LRP1B: variants seen among roughly 807,000 people sequenced by gnomAD.
LRP1B encodes LDL receptor related protein 1B, also known as low-density lipoprotein receptor-related protein 1B.
Under a neutral mutation model 556.6 loss-of-function variants are expected in LRP1B, and 217 were observed. The ratio of observed to expected loss-of-function variants is 0.39; its 90% CI spans 0.35 to 0.44. The LOEUF is 0.44. Among genes scored for constraint, LRP1B ranks in the 20% least tolerant of loss-of-function variants. The probability of loss-of-function intolerance (pLI) is 1.00; values close to 1 mark genes in which losing one functional copy is unlikely to be tolerated. For missense variants in LRP1B, 5,053 were observed against 5,620.8 expected, an observed-to-expected ratio of 0.90 and a Z score of 3.23; for synonymous variants, 2,047 against 1,865.8, an observed-to-expected ratio of 1.10 and a Z score of -2.50.
chr2:140,835,824 C>A (rs773164630), intron 31 of LRP1B, among the ~76,000 whole-genome samples: 8 of 152,324 alleles, frequency 5.3e-5, no homozygotes, highest in African/African-American at 1.4e-4. Flanking sequence ...CAGGCGTGAA[C>A]CACCGCACCT....
In LRP1B at chr2:141,254,552, C is replaced by T. The variant is rs145092192; in HGVS notation, c.433G>A (p.Glu145Lys). Residue 145 changes from glutamate to lysine, a missense_variant, in exon 4 of 91, where the codon GAA (glutamate) becomes AAA (lysine). Physicochemically the swap from Glu to Lys is moderately conservative, Grantham distance 56. Coordinates refer to ENST00000389484, the MANE Select transcript of LRP1B (RefSeq NM_018557.3). ...STRCYCEDGFEITEDGRSCKD... is the reference protein window; with the variant it reads ...STRCYCEDGFKITEDGRSCKD... Reference sequence around the variant, plus strand: ...CAGCTTCTCCCATCTTCTGTTATTTCGAATCCATCCTCACAGTAACATCTT... The same window carrying T: ...CAGCTTCTCCCATCTTCTGTTATTTTGAATCCATCCTCACAGTAACATCTT... The T allele has an allele frequency of 8.1e-6, 13 of 1,611,888 alleles. No homozygotes were observed. The highest frequency in any genetic ancestry group is 1.6e-4 in the Middle Eastern group (1 of 6,068).
At chr2:141,890,898 A>G (rs983333414) in intron 1 of LRP1B, among the ~76,000 whole-genome samples, 2 of 152,148 alleles carry the variant, frequency 1.3e-5, no homozygotes, top group Admixed American at 6.6e-5. Flanking sequence ...TTATTACAAA[A>G]TGCTGGCTAT....
At chr2:141,528,001 C>A (rs1206112482) in intron 2 of LRP1B, among the ~76,000 whole-genome samples, 1 of 151,958 alleles carries the variant, frequency 6.6e-6, no homozygotes, top group East Asian at 1.9e-4. Context: ...CTAAAACAGT[C>A]ATCTGCCCCT....
At chr2:141,345,389 GT>G (rs1688212631) in intron 3 of LRP1B, among the ~76,000 whole-genome samples, 1 of 151,998 alleles carries the variant, frequency 6.6e-6, no homozygotes, top group South Asian at 2.1e-4. Context: ...TCTCTCCAGT[GT>G]TTTTAAATTT....
chr2:142,034,179 C>A (rs1703798503), intron 1 of LRP1B, among the ~76,000 whole-genome samples: 1 of 151,730 alleles, frequency 6.6e-6, no homozygotes, highest in African/African-American at 2.4e-5. Flanking sequence ...CTTATCTAAT[C>A]AGTTCTATGT....
intron 30 of LRP1B, 25 bp from the exon 31 acceptor site, chr2:140,840,110 G>T (rs1183124652): frequency 7.4e-7 from 1 of 1,348,040 alleles, no homozygotes; most frequent in Non-Finnish European, 1.0e-6. Flanking sequence ...CATATGGATT[G>T]AAAATATTAG....
At chr2:140,530,125 T>A (rs1690624165) in intron 47 of LRP1B, among the ~76,000 whole-genome samples, 1 of 152,142 alleles carries the variant, frequency 6.6e-6, no homozygotes, top group South Asian at 2.1e-4. Flanking sequence ...GTACTTTAGA[T>A]AATTTACAGA....
At chr2:140,564,465 T>A (rs1016471957) in intron 43 of LRP1B, among the ~76,000 whole-genome samples, 1 of 152,076 alleles carries the variant, frequency 6.6e-6, no homozygotes, top group Admixed American at 6.5e-5. Flanking sequence ...TCAGCACACA[T>A]TTATCAAGTT....
intron 2 of LRP1B, among the ~76,000 whole-genome samples, chr2:141,806,491 G>A (rs1296480978): frequency 6.6e-6 from 1 of 151,938 alleles, no homozygotes; most frequent in African/African-American, 2.4e-5. Flanking sequence ...ACAATGGTAA[G>A]ATTATAAATT....
At chr2:141,588,123 C>A (rs928936441) in intron 2 of LRP1B, among the ~76,000 whole-genome samples, 1 of 152,084 alleles carries the variant, frequency 6.6e-6, no homozygotes, top group East Asian at 1.9e-4. Context: ...TTATGGAGAA[C>A]CAAAAATATA....
chr2:140,629,256 T>C (rs942287144), intron 41 of LRP1B, among the ~76,000 whole-genome samples: 8 of 149,594 alleles, frequency 5.3e-5, no homozygotes, highest in African/African-American at 2.0e-4. Context: ...TTGGTAAACA[T>C]GGGGTTTCAC....
intron 1 of LRP1B, among the ~76,000 whole-genome samples, chr2:141,964,151 T>C (rs1242730558): frequency 5.3e-5 from 8 of 150,888 alleles, no homozygotes; most frequent in South Asian, 2.1e-4. Context: ...ATTAATATCA[T>C]GAAAATGGCC....
chr2:140,332,593 A>C (rs997877048), intron 79 of LRP1B, among the ~76,000 whole-genome samples: 3 of 152,032 alleles, frequency 2.0e-5, no homozygotes, highest in African/African-American at 7.2e-5. Context: ...TGCTTGGAAC[A>C]TCACAGCCCC....
chr2:141,526,548 T>G (rs1684698898), intron 2 of LRP1B, among the ~76,000 whole-genome samples: 2 of 151,900 alleles, frequency 1.3e-5, no homozygotes, highest in Non-Finnish European at 2.9e-5. Flanking sequence ...TCCTCTAGAG[T>G]GGGTGGAATT....
intron 7 of LRP1B, among the ~76,000 whole-genome samples, chr2:141,145,523 T>C (rs1701759422): frequency 6.8e-6 from 1 of 147,382 alleles, no homozygotes; most frequent in Non-Finnish European, 1.5e-5. Flanking sequence ...TAAGTTTTAT[T>C]TTTTAATTAA....
At chr2:141,967,758 C>T (rs764011195) in intron 1 of LRP1B, among the ~76,000 whole-genome samples, 1 of 151,700 alleles carries the variant, frequency 6.6e-6, no homozygotes, top group Non-Finnish European at 1.5e-5. Context: ...TGTACTTATT[C>T]ATTTGCTTAA....
At chr2:141,892,583 AT>A (rs1232560741) in intron 1 of LRP1B, among the ~76,000 whole-genome samples, 1 of 152,146 alleles carries the variant, frequency 6.6e-6, no homozygotes, top group African/African-American at 2.4e-5. Context: ...TATTTCCTAT[AT>A]ATTTATACAT....
chr2:140,671,327 T>G (rs1389436059), intron 41 of LRP1B, among the ~76,000 whole-genome samples: 1 of 152,304 alleles, frequency 6.6e-6, no homozygotes, highest in South Asian at 2.1e-4. Flanking sequence ...GAGACCATCC[T>G]GGCTAACACG....
At chr2:140,672,507 A>AG (rs397934068) in intron 41 of LRP1B, among the ~76,000 whole-genome samples, 2 of 149,756 alleles carry the variant, frequency 1.3e-5, no homozygotes, top group East Asian at 2.0e-4. Context: ...AAAAAAAAAA[A>AG]TTCACCAGTT....
Sources: gnomAD v4.1 joint callset for allele counts (sites outside exome capture counted in the v4.1 genomes callset) on GRCh38, gnomAD v4.1.1 for gene constraint, MANE v1.5 for transcripts, NCBI Gene and HGNC (gene_info 2026-07-23, HGNC 2026-07-21) for gene names.